DRC11: variants seen among roughly 807,000 people sequenced by gnomAD.
DRC11 encodes IQ and AAA domain-containing protein 1.
chr2:236,410,082 T>C, the DRC11 span, among the ~76,000 whole-genome samples: 1 of 151,856 alleles, frequency 6.6e-6, no homozygotes, highest in Non-Finnish European at 1.5e-5. Flanking sequence ...TTTTTGGTTG[T>C]GTCTCTGCCC....
the DRC11 span, chr2:236,376,974 C>T: frequency 1.6e-6 from 1 of 618,628 alleles, no homozygotes; most frequent in South Asian, 2.2e-5. This position sits in a 1 kb window ranked among gnomAD's most constrained non-coding sequence, Gnocchi z 5.7. Context: ...CAAACATTTA[C>T]CAGGAGCCAC....
chr2:236,399,551 C>T, the DRC11 span: 34 of 1,343,420 alleles, frequency 2.5e-5, no homozygotes, highest in South Asian at 2.0e-4. The surrounding 1 kb of genome is among the most constrained non-coding windows in gnomAD (Gnocchi z 7.0). Flanking sequence ...GACGCAGACG[C>T]TGTGATAACC....
chr2:236,433,332 T>C, the DRC11 span, among the ~76,000 whole-genome samples: 2 of 152,190 alleles, frequency 1.3e-5, no homozygotes, highest in Non-Finnish European at 2.9e-5. Context: ...TCATATTATG[T>C]CTATAGATGA....
chr2:236,496,391 C>T, the DRC11 span, among the ~76,000 whole-genome samples: 36,515 of 152,112 alleles, frequency 0.24, 10,566 homozygotes, highest in African/African-American at 0.68. The surrounding 1 kb of genome is among the most constrained non-coding windows in gnomAD (Gnocchi z 6.3). Context: ...TTTCTCCTTT[C>T]GATTTTACTT....
the DRC11 span, among the ~76,000 whole-genome samples, chr2:236,357,075 A>ATATATTTTATATATTCGTATAT: frequency 8.1e-6 from 1 of 123,072 alleles, no homozygotes; most frequent in Non-Finnish European, 1.6e-5. Context: ...TTCATATATT[A>ATATATTTTATATATTCGTATAT]TATATCTATA....
At chr2:236,483,007 T>C in the DRC11 span, among the ~76,000 whole-genome samples, 1 of 152,180 alleles carries the variant, frequency 6.6e-6, no homozygotes, top group Non-Finnish European at 1.5e-5. This position sits in a 1 kb window ranked among gnomAD's most constrained non-coding sequence, Gnocchi z 4.8. Context: ...ATCTTGAAAA[T>C]GGAAACTCTG....
the DRC11 span, among the ~76,000 whole-genome samples, chr2:236,496,469 T>G: frequency 6.6e-6 from 1 of 152,192 alleles, no homozygotes; most frequent in Non-Finnish European, 1.5e-5. The surrounding 1 kb of genome is among the most constrained non-coding windows in gnomAD (Gnocchi z 6.3). Context: ...AGGTGGCCAG[T>G]GGCCCCGGCA....
chr2:236,451,743 T>G, the DRC11 span, among the ~76,000 whole-genome samples: 3 of 152,096 alleles, frequency 2.0e-5, no homozygotes, highest in Non-Finnish European at 4.4e-5. Flanking sequence ...AAGAAGCAGT[T>G]GGGAGGCTAG....
chr2:236,424,000 A>G, the DRC11 span, among the ~76,000 whole-genome samples: 2 of 139,802 alleles, frequency 1.4e-5, no homozygotes, highest in East Asian at 2.2e-4. Context: ...GAATTGAACA[A>G]TGAGAACACA....
chr2:236,424,129 C>A, the DRC11 span, among the ~76,000 whole-genome samples: 2 of 151,650 alleles, frequency 1.3e-5, no homozygotes, highest in Non-Finnish European at 2.9e-5. Flanking sequence ...TGCAGCACAC[C>A]AGCACGGCAC....
chr2:236,503,025 G>C, the DRC11 span, among the ~76,000 whole-genome samples: 2 of 152,158 alleles, frequency 1.3e-5, no homozygotes, highest in Admixed American at 1.3e-4. This position sits in a 1 kb window ranked among gnomAD's most constrained non-coding sequence, Gnocchi z 4.9. Context: ...ATATGGCCAA[G>C]AATTCAGTAA....
At chr2:236,465,753 TAC>T in the DRC11 span, 1 of 1,236,196 alleles carries the variant, frequency 8.1e-7, no homozygotes, top group South Asian at 1.3e-5. The surrounding 1 kb of genome is among the most constrained non-coding windows in gnomAD (Gnocchi z 6.2). Context: ...TCATAAAAGT[TAC>T]AGAGTTGGTA....
chr2:236,429,105 G>C, the DRC11 span, among the ~76,000 whole-genome samples: 53 of 152,290 alleles, frequency 3.5e-4, no homozygotes, highest in Admixed American at 1.6e-3. This position sits in a 1 kb window ranked among gnomAD's most constrained non-coding sequence, Gnocchi z 5.9. Flanking sequence ...GCAGCAGGGT[G>C]GGGGGACAGA....
the DRC11 span, among the ~76,000 whole-genome samples, chr2:236,495,702 G>T: frequency 3.5e-3 from 537 of 152,276 alleles, 7 homozygotes; most frequent in African/African-American, 0.012. The surrounding 1 kb of genome is among the most constrained non-coding windows in gnomAD (Gnocchi z 5.6). Flanking sequence ...CAGGGTTGTG[G>T]CCAAGAATGA....
the DRC11 span, among the ~76,000 whole-genome samples, chr2:236,356,497 C>T: frequency 5.3e-5 from 8 of 152,216 alleles, no homozygotes; most frequent in African/African-American, 1.7e-4. Flanking sequence ...AGCTGGGGGG[C>T]CACGCGACGG....
chr2:236,318,632 GTT>G, the DRC11 span, among the ~76,000 whole-genome samples: 1 of 131,652 alleles, frequency 7.6e-6, no homozygotes, highest in Non-Finnish European at 1.5e-5. The surrounding 1 kb of genome is among the most constrained non-coding windows in gnomAD (Gnocchi z 7.0). Context: ...TGCATATATC[GTT>G]TGTGTTTGTA....
chr2:236,390,880 G>T, the DRC11 span, among the ~76,000 whole-genome samples: 1 of 152,216 alleles, frequency 6.6e-6, no homozygotes, highest in Admixed American at 6.5e-5. The surrounding 1 kb of genome is among the most constrained non-coding windows in gnomAD (Gnocchi z 5.9). Context: ...GAGCTCCATG[G>T]TGAAGTCAGA....
chr2:236,315,149 T>G, the DRC11 span, among the ~76,000 whole-genome samples: 2 of 152,204 alleles, frequency 1.3e-5, no homozygotes, highest in African/African-American at 4.8e-5. This position sits in a 1 kb window ranked among gnomAD's most constrained non-coding sequence, Gnocchi z 5.1. Flanking sequence ...CATAAACACT[T>G]GTTTTCATTG....
At chr2:236,377,232 T>TAC in the DRC11 span, 1 of 1,213,270 alleles carries the variant, frequency 8.2e-7, no homozygotes, top group Non-Finnish European at 1.2e-6. The surrounding 1 kb of genome is among the most constrained non-coding windows in gnomAD (Gnocchi z 4.9). Context: ...CACACAGAAA[T>TAC]CGGCGGTATT....
Sources: gnomAD v4.1 joint callset for allele counts (sites outside exome capture counted in the v4.1 genomes callset) on GRCh38, gnomAD v4.1.1 for gene constraint, Gnocchi (gnomAD v3.1) non-coding constraint, MANE v1.5 for transcripts, NCBI Gene and HGNC (gene_info 2026-07-23, HGNC 2026-07-21) for gene names.